Variants in GPC1 observed in about 807,000 individuals in gnomAD.
GPC1 encodes glypican 1.
A neutral mutation model predicts 51.5 loss-of-function variants in GPC1; 26 were observed. That is an observed-to-expected ratio of 0.50 (90% confidence interval 0.37 to 0.70). The LOEUF (loss-of-function observed/expected upper bound fraction) is 0.70. Among genes scored for constraint, GPC1 ranks in the 30% least tolerant of loss-of-function variants. The pLI is 0.00. For synonymous variants in GPC1, 380 were observed against 348.3 expected (o/e 1.09, Z -1.01); for missense variants, 775 against 800.5 (o/e 0.97, Z 0.38).
At chr2:240,438,389 G>C (rs1027491352) in intron 1 of GPC1, among the ~76,000 whole-genome samples, 5 of 152,218 alleles carry the variant, frequency 3.3e-5, no homozygotes, top group African/African-American at 1.2e-4. Flanking sequence ...GCCAAGCCCA[G>C]TGTCCCCTCC....
intron 1 of GPC1, among the ~76,000 whole-genome samples, chr2:240,439,024 C>A (rs556122789): frequency 2.0e-5 from 3 of 152,344 alleles, no homozygotes; most frequent in Admixed American, 6.5e-5. Context: ...AGGCCTCCTG[C>A]TTTTGCTTGC....
At chr2:240,440,006 G>A (rs1401795630) in intron 1 of GPC1, among the ~76,000 whole-genome samples, 6 of 152,154 alleles carry the variant, frequency 3.9e-5, no homozygotes, top group African/African-American at 1.4e-4. Context: ...AGGCACAGAT[G>A]CCCCCACCCC....
At chr2:240,442,785 C>T (rs778555203) in intron 1 of GPC1, among the ~76,000 whole-genome samples, 10 of 152,194 alleles carry the variant, frequency 6.6e-5, no homozygotes, top group African/African-American at 2.2e-4. Flanking sequence ...GCAAAGACCC[C>T]GAGGCTCTGG....
intron 2 of GPC1, 90 bp from the exon 3 acceptor site, chr2:240,462,101 G>GCTGA (rs2074220654): frequency 1.6e-6 from 2 of 1,274,110 alleles, no homozygotes; most frequent in Non-Finnish European, 2.1e-6. Context: ...TATCCTCAGA[G>GCTGA]CTGAGTCTCC....
chr2:240,441,801 C>T (rs571918438), intron 1 of GPC1, among the ~76,000 whole-genome samples: 12 of 152,308 alleles, frequency 7.9e-5, no homozygotes, highest in African/African-American at 1.7e-4. Context: ...GGGAAGCGGG[C>T]GGTTCTCCCT....
intron 2 of GPC1, among the ~76,000 whole-genome samples, chr2:240,459,401 C>G (rs1017869045): frequency 1.3e-5 from 2 of 152,160 alleles, no homozygotes; most frequent in African/African-American, 2.4e-5. Context: ...TTTGACACCC[C>G]CCTGGGAGTG....
intron 1 of GPC1, among the ~76,000 whole-genome samples, chr2:240,442,900 ACCACGCCC>A (rs1239045285): frequency 1.3e-5 from 2 of 152,138 alleles, no homozygotes; most frequent in Non-Finnish European, 2.9e-5. Context: ...TGAGGGAGTG[ACCACGCCC>A]CAGCCTGCCA....
At chr2:240,441,285 G>T (rs2074015163) in intron 1 of GPC1, among the ~76,000 whole-genome samples, 1 of 152,262 alleles carries the variant, frequency 6.6e-6, no homozygotes, top group African/African-American at 2.4e-5. Context: ...CATGGCACAG[G>T]TGTCAGCCAT....
chr2:240,442,118 C>T (rs2074021161), intron 1 of GPC1, among the ~76,000 whole-genome samples: 1 of 152,208 alleles, frequency 6.6e-6, no homozygotes, highest in African/African-American at 2.4e-5. Context: ...ACACCTGTCC[C>T]CTCCCTCCAC....
At chr2:240,461,149 G>A (rs1441500188) in intron 2 of GPC1, among the ~76,000 whole-genome samples, 1 of 152,234 alleles carries the variant, frequency 6.6e-6, no homozygotes, top group Non-Finnish European at 1.5e-5. Flanking sequence ...CAGGCGCCAG[G>A]ACCCAAGGTG....
chr2:240,445,646 T>C (rs2074044601), intron 1 of GPC1, among the ~76,000 whole-genome samples: 1 of 152,180 alleles, frequency 6.6e-6, no homozygotes, highest in Non-Finnish European at 1.5e-5. Context: ...AGGTTCTGGA[T>C]GTAATTCATG....
intron 2 of GPC1, among the ~76,000 whole-genome samples, chr2:240,461,597 C>G (rs1294133547): frequency 6.6e-6 from 1 of 152,122 alleles, no homozygotes; most frequent in Non-Finnish European, 1.5e-5. Flanking sequence ...TGCAGGAGGC[C>G]CCCCAGAGCC....
intron 1 of GPC1, among the ~76,000 whole-genome samples, chr2:240,439,726 C>T (rs773209324): frequency 5.3e-5 from 8 of 152,216 alleles, no homozygotes; most frequent in Non-Finnish European, 1.2e-4. Flanking sequence ...GCGGGCCTCT[C>T]GGAGGCTGCC....
rs1030220070 is a variant in GPC1 at position 240,448,384 on chromosome 2, C to T, written c.167-10646C>T. Among the ~76,000 whole-genome samples the T allele has an allele frequency of 4.0e-5, 6 of 151,576 alleles. No individual in the cohort carries two copies. The highest frequency in any genetic ancestry group is 1.5e-4 in the African/African-American group (6 of 41,168). On this transcript the variant is annotated intron_variant, in intron 1 of 8. Transcript: ENST00000264039. This position sits in a 1 kb window ranked among gnomAD's most constrained non-coding sequence, Gnocchi z 4.5. ...GCCAGGCAGTCCGGGTGTAGATAGTCCCTGCCAGGCAGTCCAGGTGTAGAC... is the reference window on the plus strand; with the variant it reads ...GCCAGGCAGTCCGGGTGTAGATAGTTCCTGCCAGGCAGTCCAGGTGTAGAC...
chr2:240,461,109 C>T (rs1197384987), intron 2 of GPC1, among the ~76,000 whole-genome samples: 2 of 152,248 alleles, frequency 1.3e-5, no homozygotes, highest in African/African-American at 4.8e-5. Flanking sequence ...AACCACAAGC[C>T]GCCCCTTTCC....
chr2:240,441,584 G>C (rs559584275), intron 1 of GPC1, among the ~76,000 whole-genome samples: 4 of 152,216 alleles, frequency 2.6e-5, no homozygotes, highest in African/African-American at 9.7e-5. Context: ...CTTGCCAGTC[G>C]CCAGCACAGC....
intron 4 of GPC1, 136 bp downstream of exon 4, chr2:240,463,648 C>A: frequency 8.6e-6 from 6 of 696,620 alleles, no homozygotes; most frequent in Non-Finnish European, 1.4e-5. Flanking sequence ...CGGGCCAGAT[C>A]TGGGTGGTGC....
At chr2:240,461,182 C>A (rs1361712733) in intron 2 of GPC1, among the ~76,000 whole-genome samples, 3 of 152,190 alleles carry the variant, frequency 2.0e-5, no homozygotes, top group African/African-American at 7.2e-5. Context: ...CTGTGTGGCC[C>A]GTCCACCCTC....
At position 240,466,404 on chromosome 2, in the gene GPC1, G is replaced by T. The variant is rs982063871; in HGVS notation, c.*114G>T. 9.1e-6 allele frequency: 6 copies of T among 657,158 alleles called. No homozygotes were observed. The highest frequency in any genetic ancestry group is 5.4e-5 in the African/African-American group (3 of 55,084). 40.7% of individuals were successfully genotyped at this position (657,158 alleles called of 1,614,324 possible). ...GGCCTGGGGTGGGACAGGGAGGGCC[G>T]GCGGCTCTGAGCAGGGGCAGGCGCA... On this transcript the variant is annotated 3_prime_UTR_variant, in exon 9 of 9. Coordinates refer to ENST00000264039, the MANE Select transcript of GPC1 (RefSeq NM_002081.3).
Sources: gnomAD v4.1 joint callset for allele counts (sites outside exome capture counted in the v4.1 genomes callset) on GRCh38, gnomAD v4.1.1 for gene constraint, Gnocchi (gnomAD v3.1) non-coding constraint, MANE v1.5 for transcripts, NCBI Gene and HGNC (gene_info 2026-07-23, HGNC 2026-07-21) for gene names.